Variants in SMIM35 observed in about 807,000 individuals in gnomAD.
SMIM35 encodes the protein small integral membrane protein 35.
At chr11:118,010,435 T>C (rs2058144192) in intron 4 of SMIM35, among the ~76,000 whole-genome samples, 1 of 152,244 alleles carries the variant, frequency 6.6e-6, no homozygotes, top group Admixed American at 6.5e-5. Flanking sequence ...AGCAGCCTTC[T>C]GTGGCTACAT....
intron 1 of SMIM35, among the ~76,000 whole-genome samples, chr11:118,047,728 TTGAGTATGAGCTA>T (rs1163934432): frequency 6.6e-6 from 1 of 152,186 alleles, no homozygotes; most frequent in Non-Finnish European, 1.5e-5. Flanking sequence ...AACTGAGACT[TTGAGTATGAGCTA>T]TGGCCACTCA....
chr11:118,031,984 CA>C (rs546225156), intron 1 of SMIM35: 24 of 145,956 alleles, frequency 1.6e-4, no homozygotes, highest in South Asian at 1.1e-3. Context: ...CAAAAAAATA[CA>C]AAAAAAAAAA....
At chr11:118,067,263 G>T (rs937893993) in intron 1 of SMIM35, 2 of 152,222 alleles carry the variant, frequency 1.3e-5, no homozygotes, top group South Asian at 4.1e-4. Context: ...CGTGCCTGTA[G>T]TCACAGCTAC....
At chr11:118,023,700 C>A (rs2058250612) in intron 1 of SMIM35, among the ~76,000 whole-genome samples, 1 of 151,814 alleles carries the variant, frequency 6.6e-6, no homozygotes, top group Non-Finnish European at 1.5e-5. Flanking sequence ...GCAATAGGAA[C>A]TATCCAAGGT....
intron 1 of SMIM35, among the ~76,000 whole-genome samples, chr11:118,053,850 G>A (rs971076036): frequency 2.0e-5 from 3 of 152,086 alleles, no homozygotes; most frequent in African/African-American, 7.2e-5. Context: ...TCTCAGAGAG[G>A]AAAAAGAGGA....
chr11:118,015,977 T>C (rs886400825), intron 1 of SMIM35, among the ~76,000 whole-genome samples, 168 bp from the exon 2 acceptor site: 1 of 152,266 alleles, frequency 6.6e-6, no homozygotes, highest in Non-Finnish European at 1.5e-5. Context: ...TGAAAATGTC[T>C]GACACCTGAA....
At chr11:118,061,752 G>A (rs1467698212) in intron 1 of SMIM35, among the ~76,000 whole-genome samples, 4 of 152,028 alleles carry the variant, frequency 2.6e-5, no homozygotes, top group Non-Finnish European at 5.9e-5. Flanking sequence ...ACCCAGGACC[G>A]CTCTTTGGTG....
rs1046566596 is a variant in SMIM35 at position 118,077,145 on chromosome 11, A to C, written c.7+9606T>G. 57 of 771,558 alleles carry C rather than the reference A, an allele frequency of 7.4e-5. 1 individual carries two copies. Among genetic ancestry groups the C allele is most frequent in the Non-Finnish European group, 1.0e-4 (50 of 492,744 alleles). 47.8% of individuals were successfully genotyped at this position (771,558 alleles called of 1,614,324 possible). The stretch of plus-strand genomic sequence containing the variant: ...ACAAGGATGCTGGGCGTGAGGGACC[A>C]AGGCCTGCCCTGCACTCGGGCCTCC... On this transcript the variant is annotated intron_variant, in intron 1 of 4. Transcript: ENST00000689828.
chr11:118,030,737 T>C (rs1300242992), intron 1 of SMIM35, among the ~76,000 whole-genome samples: 1 of 151,838 alleles, frequency 6.6e-6, no homozygotes, highest in African/African-American at 2.4e-5. Flanking sequence ...TGAGGTAGTC[T>C]AACCTGGAGC....
intron 1 of SMIM35, among the ~76,000 whole-genome samples, chr11:118,060,949 C>T (rs1189865743): frequency 6.6e-6 from 1 of 152,220 alleles, no homozygotes; most frequent in Non-Finnish European, 1.5e-5. Flanking sequence ...CCAGGCTGCC[C>T]CTCTCCAGCC....
intron 1 of SMIM35, among the ~76,000 whole-genome samples, chr11:118,073,696 G>T (rs1490093834): frequency 6.6e-6 from 1 of 152,170 alleles, no homozygotes; most frequent in Non-Finnish European, 1.5e-5. Context: ...TCCCTGGGGT[G>T]ACCGCCTCTG....
At chr11:118,054,166 TTTGTTTTTTTGTTTGTTC>T (rs145090445) in intron 1 of SMIM35, among the ~76,000 whole-genome samples, 2 of 125,892 alleles carry the variant, frequency 1.6e-5, no homozygotes, top group African/African-American at 3.3e-5. Context: ...ATTTTTTTGT[TTTGTTTTTTTGTTTGTTC>T]TTGTTTTTTT....
At chr11:118,068,923 C>T (rs2135137008) in intron 1 of SMIM35, among the ~76,000 whole-genome samples, 1 of 152,332 alleles carries the variant, frequency 6.6e-6, no homozygotes, top group Non-Finnish European at 1.5e-5. Context: ...AATACATTAT[C>T]ATCCGTGGGA....
chr11:118,014,384 AGATGGATGGATGGATGGATGGATGGATG>A (rs72362173), intron 3 of SMIM35, among the ~76,000 whole-genome samples: 1 of 146,964 alleles, frequency 6.8e-6, no homozygotes. Context: ...CTTGGGGGAG[AGATGGATGGATGGATGGATGGATGGATG>A]GATGGATGGA....
chr11:118,009,725 TAA>T (rs35140092), intron 4 of SMIM35, among the ~76,000 whole-genome samples: 13,675 of 135,150 alleles, frequency 0.1, 869 homozygotes, highest in East Asian at 0.37. Context: ...GCAGACGCTT[TAA>T]AAAAAAAAAA....
chr11:118,030,593 T>C (rs2058310119), intron 1 of SMIM35, among the ~76,000 whole-genome samples: 1 of 152,106 alleles, frequency 6.6e-6, no homozygotes, highest in South Asian at 2.1e-4. Context: ...CTGAGCAGCG[T>C]GAAGCGGGGT....
chr11:118,064,373 C>A (rs541087876), intron 1 of SMIM35, among the ~76,000 whole-genome samples: 6 of 152,302 alleles, frequency 3.9e-5, no homozygotes, highest in African/African-American at 1.4e-4. Flanking sequence ...TCCACATGGA[C>A]CCCAAGGTCC....
intron 1 of SMIM35, among the ~76,000 whole-genome samples, chr11:118,077,515 T>TGGACCA (rs1944750894): frequency 6.6e-6 from 1 of 152,200 alleles, no homozygotes; most frequent in South Asian, 2.1e-4. Flanking sequence ...CCATGGTCCT[T>TGGACCA]GGACCAGCTC....
Position 118,022,605 on chromosome 11 carries a change from C to G in SMIM35, c.8-6796G>C, listed in dbSNP as rs570491539. ...ATAGCAAAAATGTAAGTTGAGGAGACAGTCCAAGGCAGCTAAAGTTCACAA... is the reference window on the plus strand; with the variant it reads ...ATAGCAAAAATGTAAGTTGAGGAGAGAGTCCAAGGCAGCTAAAGTTCACAA... On this transcript the variant is annotated intron_variant, in intron 1 of 4. Transcript: ENST00000689828. Among the ~76,000 whole-genome samples, 5 of 152,238 alleles carry G rather than the reference C, an allele frequency of 3.3e-5. No individual in the cohort carries two copies. The East Asian group carries it at 5.8e-4, about 18-fold the overall frequency.
Sources: gnomAD v4.1 joint callset for allele counts (sites outside exome capture counted in the v4.1 genomes callset) on GRCh38, gnomAD v4.1.1 for gene constraint, MANE v1.5 for transcripts, NCBI Gene and HGNC (gene_info 2026-07-23, HGNC 2026-07-21) for gene names.